The following ACE variants were observed in gnomAD, a reference collection of about 807,000 sequenced individuals.
ACE encodes the protein angiotensin I converting enzyme.
A neutral mutation model predicts 162.3 loss-of-function variants in ACE; 122 were observed. The observed-to-expected ratio is 0.75, with a 90% CI of 0.65 to 0.87. The LOEUF is 0.87. ACE is among the 40% of genes least tolerant of loss of function. The pLI, the probability that ACE is intolerant of heterozygous loss-of-function variation, is 0.00. For missense variants in ACE, 1,799 were observed against 1,735.1 expected (o/e 1.04, Z -0.65); for synonymous variants, 796 against 720.6 (o/e 1.10, Z -1.68).
Position 63,490,961 on chromosome 17 carries a change from G to T in ACE, c.2649G>T (p.Met883Ile), listed in dbSNP as rs759679121. 6.2e-7 allele frequency: 1 copy of T among 1,614,230 alleles called. No homozygotes were observed. The highest frequency in any genetic ancestry group is 1.1e-5 in the South Asian group (1 of 91,086). ...GPIPAHLLGNMWAQTWSNIYD... is the reference protein window; with the variant it reads ...GPIPAHLLGNIWAQTWSNIYD... ...CCCCACACTCGCCTCCAGGGAACATGTGGGCGCAGACCTGGTCCAACATCT... is the reference window on the plus strand; with the variant it reads ...CCCCACACTCGCCTCCAGGGAACATTTGGGCGCAGACCTGGTCCAACATCT... The change falls in exon 18 of 25, where the codon ATG becomes ATT. Residue 883 changes from methionine (M) to isoleucine (I), a missense_variant. Physicochemically the swap from Met to Ile is conservative, Grantham distance 10 (BLOSUM62 1). Coordinates refer to ENST00000290866, the MANE Select transcript of ACE (RefSeq NM_000789.4).
chr17:63,478,086 T>TA lies in ACE; in HGVS notation c.407dup (p.Arg137AlafsTer77). On this transcript the variant is annotated frameshift_variant, in exon 2 of 25. Coordinates refer to ENST00000290866, the MANE Select transcript of ACE (RefSeq NM_000789.4). LOFTEE classifies it high-confidence loss of function. The stretch of plus-strand genomic sequence containing the variant: ...TGGGCTCTGCCAACCTGCCCCTGGC[T>TA]AAGCGGCAGCAGGTGGGCTGAGGGC... The TA allele has an allele frequency of 6.3e-7, 1 of 1,586,866 alleles. No individual in the cohort carries two copies.
At chr17:63,483,422 C>T (rs775967174) in intron 9 of ACE, 38 bp from the exon 10 acceptor site, 8 of 1,573,544 alleles carry the variant, frequency 5.1e-6, no homozygotes, top group African/African-American at 1.4e-5. Flanking sequence ...CTGTTTGCAA[C>T]CTCTAGGCCC....
At position 63,488,944 on chromosome 17, in the gene ACE, A is replaced by T. The variant is rs369245002; in HGVS notation, c.2453A>T (p.Tyr818Phe). The change falls in exon 17 of 25, where the codon TAT (tyrosine) becomes TTT (phenylalanine). Residue 818 changes from tyrosine to phenylalanine, a missense_variant. Physicochemically the swap from Tyr to Phe is conservative, Grantham distance 22. Transcript: ENST00000290866. ...CCTGGCTGTGTCCCCTCTGTAGGCT[A>T]TGTAGATGCAGGGGACTCGTGGAGG... Reference protein sequence around the residue: ...LINQAARLNGYVDAGDSWRSM... With the variant: ...LINQAARLNGFVDAGDSWRSM... 3.7e-5 allele frequency: 60 copies of T among 1,613,926 alleles called. No individual in the cohort carries two copies. Among genetic ancestry groups the T allele is most frequent in the Non-Finnish European group, 5.0e-5 (59 of 1,180,026 alleles).
At chr17:63,492,058 T>C (rs1184301266) in intron 19 of ACE, among the ~76,000 whole-genome samples, 1 of 152,216 alleles carries the variant, frequency 6.6e-6, no homozygotes, top group Non-Finnish European at 1.5e-5. Context: ...ATGTGGCAGA[T>C]GCTGGGGCAC....
At chr17:63,479,499 G>A (rs1424410350) in intron 3 of ACE, among the ~76,000 whole-genome samples, 2 of 152,132 alleles carry the variant, frequency 1.3e-5, no homozygotes, top group African/African-American at 2.4e-5. Flanking sequence ...CCAATAGGCC[G>A]CTAAGTGTCT....
chr17:63,494,400 G>C lies in ACE; in HGVS notation c.3310G>C (p.Val1104Leu). The change falls in exon 22 of 25, where the codon GTG (valine) becomes CTG (leucine). Residue 1104 changes from valine to leucine, a missense_variant. By Grantham distance (32) the Val-to-Leu change is conservative. Coordinates refer to ENST00000290866, the MANE Select transcript of ACE (RefSeq NM_000789.4). ...RLKYQGLCPP[V>L]PRTQGDFDPG... ...GAAGTACCAGGGCCTCTGCCCCCCA[G>C]TGCCCAGGACTCAAGGTGACTTTGA... The C allele has an allele frequency of 6.2e-7, 1 of 1,614,136 alleles. No individual in the cohort carries two copies. The highest frequency in any genetic ancestry group is 8.5e-7 in the Non-Finnish European group (1 of 1,180,026).
chr17:63,486,366 G>A, intron 13 of ACE, 191 bp from the exon 14 acceptor site: 1 of 654,290 alleles, frequency 1.5e-6, no homozygotes. Flanking sequence ...CAGGCATCCA[G>A]GGAGGGTGAG....
In ACE at chr17:63,497,635, C is replaced by T. The variant is rs1365816591; in HGVS notation, c.*269C>T. 12 of 660,658 alleles carry T rather than the reference C, an allele frequency of 1.8e-5. No individual in the cohort carries two copies. Among genetic ancestry groups the T allele is most frequent in the African/African-American group, 7.1e-5 (4 of 56,320 alleles). 40.9% of individuals were successfully genotyped at this position (660,658 alleles called of 1,614,324 possible). On this transcript the variant is annotated 3_prime_UTR_variant, in exon 25 of 25. Transcript: ENST00000290866. ...TGCCCTCCCCATCTGAGTCTGTGTC[C>T]CTCACAGGGAAGCCAGGGACAGGGA... is the stretch of plus-strand genomic sequence containing the variant.
chr17:63,478,824 G>A, intron 2 of ACE, 183 bp from the exon 3 acceptor site: 1 of 650,368 alleles, frequency 1.5e-6, no homozygotes, highest in Non-Finnish European at 2.8e-6. Flanking sequence ...GCCTCCACTG[G>A]CAGGGGACTC....
rs370890237 is a variant in ACE at position 63,482,491 on chromosome 17, A to G, written c.1144A>G (p.Met382Val). The G allele has an allele frequency of 6.8e-6, 11 of 1,613,946 alleles. No homozygotes were observed. The highest frequency in any genetic ancestry group is 8.5e-6 in the Non-Finnish European group (10 of 1,179,986). Residue 382 changes from methionine to valine, a missense_variant, in exon 8 of 25, where the codon ATG becomes GTG. Transcript: ENST00000290866. ...FRIKQCTRVT[M>V]DQLSTVHHEM... Reference sequence around the variant, plus strand: ...GATCAAGCAGTGCACACGGGTCACGATGGACCAGCTCTCCACAGTGCACCA... The same window carrying G: ...GATCAAGCAGTGCACACGGGTCACGGTGGACCAGCTCTCCACAGTGCACCA...
intron 15 of ACE, among the ~76,000 whole-genome samples, chr17:63,487,588 G>A (rs1323820721): frequency 6.6e-6 from 1 of 151,990 alleles, no homozygotes; most frequent in Admixed American, 6.6e-5. Flanking sequence ...CACCTACCCT[G>A]CCACTTCCTA....
chr17:63,483,303 C>T, intron 9 of ACE, 130 bp downstream of exon 9: 4 of 1,536,202 alleles, frequency 2.6e-6, no homozygotes, highest in Non-Finnish European at 3.6e-6. Context: ...GACCCACCGC[C>T]TTCTCCTTTC....
Position 63,482,706 on chromosome 17 carries a change from A to G in ACE, c.1342+17A>G, listed in dbSNP as rs886144060. ...ATGACACGGGTATGGGAGGGCTGAG[A>G]GGCCCCCACCCAGCCTCACCTAAAC... is the stretch of plus-strand genomic sequence containing the variant. On this transcript the variant is annotated intron_variant, in intron 8 of 24. Coordinates refer to ENST00000290866, the MANE Select transcript of ACE (RefSeq NM_000789.4). 1 of 1,610,902 alleles carries G rather than the reference A, an allele frequency of 6.2e-7. No individual in the cohort carries two copies. Among genetic ancestry groups the G allele is most frequent in the Non-Finnish European group, 8.5e-7 (1 of 1,178,012 alleles).
At chr17:63,480,952 T>A (rs1478820735) in intron 5 of ACE, 139 bp from the exon 6 acceptor site, 1 of 795,368 alleles carries the variant, frequency 1.3e-6, no homozygotes, top group African/African-American at 1.7e-5. Context: ...ATGTGTGAGA[T>A]TTCTGGCCCT....
chr17:63,488,569 G>A, intron 15 of ACE, 79 bp from the exon 16 acceptor site: 13 of 1,477,612 alleles, frequency 8.8e-6, no homozygotes, highest in Non-Finnish European at 1.2e-5. Context: ...TTTTATTCCA[G>A]CTCTGAAATT....
intron 8 of ACE, 116 bp from the exon 9 acceptor site, chr17:63,482,913 A>G: frequency 2.4e-6 from 3 of 1,240,262 alleles, no homozygotes; most frequent in South Asian, 2.4e-5. Context: ...AGGGCCAGCC[A>G]TACCTTCTCT....
rs781292581 is a variant in ACE, at chr17:63,485,772, C to CAAA, written c.2058+418_2058+420dup. The CAAA allele has an allele frequency of 4.4e-3, 423 of 96,388 alleles. 11 individuals carry two copies. In the South Asian group the frequency reaches 0.046, roughly 11 times the overall value. The allele number at this position is 96,388 out of a possible 1,614,324, so 6.0% of individuals were successfully genotyped here. A position where few individuals can be genotyped will look rare whatever the true frequency, so the allele number is the denominator to read the frequency against. On this transcript the variant is annotated intron_variant, in intron 13 of 24. Coordinates refer to ENST00000290866, the MANE Select transcript of ACE (RefSeq NM_000789.4). ...CCTGGGCGACAGAGCGAGACTCCAT[C>CAAA]AAAAAAAAAAAAAAAAAAAACTCAA...
At chr17:63,488,017 T>C (rs879575150) in intron 15 of ACE, among the ~76,000 whole-genome samples, 3 of 152,118 alleles carry the variant, frequency 2.0e-5, no homozygotes, top group Non-Finnish European at 4.4e-5. Context: ...AGTAGATCAC[T>C]TGAGGCCGGG....
chr17:63,477,211 T>C lies in ACE; in HGVS notation c.117T>C (p.Phe39=). Residue 39 remains phenylalanine (F), a synonymous_variant, in exon 1 of 25, where the codon TTT becomes TTC. Transcript: ENST00000290866. Reference sequence around the variant, plus strand: ...ACCCCGGGCTGCAGCCCGGCAACTTTTCTGCTGACGAGGCCGGGGCGCAGC... The same window carrying C: ...ACCCCGGGCTGCAGCCCGGCAACTTCTCTGCTGACGAGGCCGGGGCGCAGC... The part of the protein sequence containing the change: ...ALDPGLQPGN[F]SADEAGAQLF... 1 of 1,491,950 alleles carries C rather than the reference T, an allele frequency of 6.7e-7. No homozygotes were observed. 92.4% of individuals were successfully genotyped at this position (1,491,950 alleles called of 1,614,324 possible).
Sources: allele counts gnomAD v4.1 joint callset (sites outside exome capture counted in the v4.1 genomes callset), GRCh38; gene constraint gnomAD v4.1.1; transcripts MANE v1.5; gene names NCBI Gene and HGNC (gene_info 2026-07-23, HGNC 2026-07-21).